Variants in SUCLG2 observed in about 807,000 individuals in gnomAD.
SUCLG2 encodes the protein succinate--CoA ligase [GDP-forming] subunit beta, mitochondrial.
SUCLG2 carries 42 observed loss-of-function variants against 47.9 expected under a neutral mutation model. The observed-to-expected ratio is 0.88, with a 90% CI of 0.69 to 1.14. The LOEUF (loss-of-function observed/expected upper bound fraction) is 1.14. Among genes scored for constraint, SUCLG2 ranks in the 50% most tolerant of loss-of-function variants. The probability of loss-of-function intolerance (pLI) is 0.00; values close to 1 mark genes in which losing one functional copy is unlikely to be tolerated. For synonymous variants in SUCLG2, 195 were observed against 197.3 expected (o/e 0.99, Z 0.10); for missense variants, 571 against 525.9 (o/e 1.09, Z -0.84).
intron 1 of SUCLG2, among the ~76,000 whole-genome samples, chr3:67,614,962 G>C (rs1468099100): frequency 6.6e-6 from 1 of 152,110 alleles, no homozygotes; most frequent in Non-Finnish European, 1.5e-5. Flanking sequence ...TGGGCACCTA[G>C]GTTTTGTTCC....
At chr3:67,549,923 T>C (rs1259142622) in intron 2 of SUCLG2, among the ~76,000 whole-genome samples, 1 of 152,152 alleles carries the variant, frequency 6.6e-6, no homozygotes, top group African/African-American at 2.4e-5. Flanking sequence ...AAAATGACAG[T>C]TATTTTTAAA....
intron 2 of SUCLG2, among the ~76,000 whole-genome samples, chr3:67,591,134 G>A (rs1317432172): frequency 1.3e-5 from 2 of 152,042 alleles, no homozygotes; most frequent in Non-Finnish European, 2.9e-5. Flanking sequence ...ATATACCCCT[G>A]GGGCTGTTTT....
At chr3:67,373,861 T>C (rs1701986076), downstream of SUCLG2, among the ~76,000 whole-genome samples, 1 of 152,266 alleles carries the variant, frequency 6.6e-6, no homozygotes, top group Non-Finnish European at 1.5e-5. Flanking sequence ...TGCCTGAGAA[T>C]AAAACAATTA....
chr3:67,565,911 A>G (rs552180800), intron 2 of SUCLG2, among the ~76,000 whole-genome samples: 3 of 152,360 alleles, frequency 2.0e-5, no homozygotes, highest in Middle Eastern at 3.4e-3. Flanking sequence ...CAAATTGGAA[A>G]TGTTCTAAAA....
intron 10 of SUCLG2, among the ~76,000 whole-genome samples, chr3:67,378,999 T>C (rs58062419): frequency 2.6e-5 from 4 of 152,134 alleles, no homozygotes; most frequent in African/African-American, 9.7e-5. Context: ...CAGGCTGGAG[T>C]GCAGTGGCGT....
intron 9 of SUCLG2, among the ~76,000 whole-genome samples, chr3:67,410,867 T>C (rs530905704): frequency 6.6e-6 from 1 of 152,234 alleles, no homozygotes; most frequent in South Asian, 2.1e-4. Flanking sequence ...AGCAGGATAC[T>C]CATTGCTTAT....
In SUCLG2 at chr3:67,528,237, AAAC is replaced by A. The variant is rs1559559066; in HGVS notation, c.327-18_327-16del. 6.2e-7 allele frequency: 1 copy of A among 1,608,024 alleles called. No homozygotes were observed. The highest frequency in any genetic ancestry group is 2.2e-5 in the East Asian group (1 of 44,792). ...CAACATTAGGGCTAAGAGAAAGAGA[AAAC>A]AAGCAGAAAATGAATGTTTGTTGAA... On this transcript the variant is annotated splice_polypyrimidine_tract_variant and intron_variant, in intron 3 of 10. Transcript: ENST00000307227.
chr3:67,502,559 C>T (rs1278627396), intron 7 of SUCLG2, among the ~76,000 whole-genome samples: 1 of 152,206 alleles, frequency 6.6e-6, no homozygotes, highest in Non-Finnish European at 1.5e-5. Flanking sequence ...AAGCGCTTAG[C>T]TTCCTAGACA....
intron 9 of SUCLG2, among the ~76,000 whole-genome samples, chr3:67,485,076 A>G (rs929308608): frequency 3.9e-5 from 6 of 152,074 alleles, no homozygotes; most frequent in Admixed American, 3.3e-4. Flanking sequence ...AAACTGAAAA[A>G]CTCGGAAGGT....
Position 67,400,836 on chromosome 3 carries a change from C to G in SUCLG2, c.1078G>C (p.Val360Leu), listed in dbSNP as rs2106814507. 1 of 1,613,014 alleles carries G rather than the reference C, an allele frequency of 6.2e-7. No individual in the cohort carries two copies. Among genetic ancestry groups the G allele is most frequent in the South Asian group, 1.1e-5 (1 of 90,888 alleles). ...TTGACGATACCACCAAATATATTGA[C>G]AAGGATGGCTTCAACCTGAAATCAA... is the stretch of plus-strand genomic sequence containing the variant. ...TADPKVEAILVNIFGGIVNCA... is the reference protein window; with the variant it reads ...TADPKVEAILLNIFGGIVNCA... The change falls in exon 10 of 11, where the codon GTC becomes CTC. Residue 360 changes from valine to leucine, a missense_variant. By Grantham distance (32) the Val-to-Leu change is conservative. Transcript: ENST00000307227.
intron 10 of SUCLG2, among the ~76,000 whole-genome samples, chr3:67,366,257 C>T (rs557167775): frequency 3.4e-4 from 52 of 152,192 alleles, no homozygotes; most frequent in African/African-American, 7.7e-4. Flanking sequence ...GTCAGGAGAT[C>T]GAGACCATCC....
At chr3:67,424,523 T>C (rs901112136) in intron 9 of SUCLG2, among the ~76,000 whole-genome samples, 4 of 152,152 alleles carry the variant, frequency 2.6e-5, no homozygotes, top group East Asian at 1.9e-4. Context: ...TAGTGTAAAA[T>C]TGCCCGGGCT....
chr3:67,630,120 C>T (rs1455794585), intron 1 of SUCLG2, among the ~76,000 whole-genome samples: 1 of 151,848 alleles, frequency 6.6e-6, no homozygotes, highest in African/African-American at 2.4e-5. Context: ...AGGTACTGTA[C>T]ACTCTATTTA....
chr3:67,511,373 A>G (rs1214500552), intron 6 of SUCLG2, among the ~76,000 whole-genome samples: 1 of 152,178 alleles, frequency 6.6e-6, no homozygotes, highest in African/African-American at 2.4e-5. Context: ...TTGAATTGTA[A>G]TAATTCCCAC....
intron 9 of SUCLG2, among the ~76,000 whole-genome samples, chr3:67,489,116 C>T (rs1453892039): frequency 2.0e-5 from 3 of 152,098 alleles, no homozygotes; most frequent in South Asian, 4.2e-4. Context: ...GCAGATACAC[C>T]GATCATGTGG....
At chr3:67,571,110 A>T (rs1707595021) in intron 2 of SUCLG2, among the ~76,000 whole-genome samples, 3 of 152,200 alleles carry the variant, frequency 2.0e-5, no homozygotes, top group Admixed American at 2.0e-4. Flanking sequence ...TCAGTATACC[A>T]CAGGATGTAA....
At chr3:67,561,160 T>C (rs957305463) in intron 2 of SUCLG2, among the ~76,000 whole-genome samples, 3 of 151,524 alleles carry the variant, frequency 2.0e-5, no homozygotes, top group Non-Finnish European at 4.4e-5. Context: ...ATTAGCTTTA[T>C]CTTATTCCCA....
intron 10 of SUCLG2, among the ~76,000 whole-genome samples, chr3:67,367,382 A>G (rs900613269): frequency 6.6e-6 from 1 of 152,340 alleles, no homozygotes; most frequent in Admixed American, 6.5e-5. Context: ...TCAAGATCTC[A>G]GAGAAATGTG....
At chr3:67,489,904 C>A (rs1705162483) in intron 9 of SUCLG2, among the ~76,000 whole-genome samples, 1 of 152,144 alleles carries the variant, frequency 6.6e-6, no homozygotes, top group Admixed American at 6.6e-5. Flanking sequence ...AAACTTAAGG[C>A]TAACCAATTG....
Sources: allele counts gnomAD v4.1 joint callset (sites outside exome capture counted in the v4.1 genomes callset), GRCh38; gene constraint gnomAD v4.1.1; transcripts MANE v1.5; gene names NCBI Gene and HGNC (gene_info 2026-07-23, HGNC 2026-07-21).